The following ROBO2 variants were observed in gnomAD, a reference collection of about 807,000 sequenced individuals.
The protein encoded by ROBO2 is roundabout guidance receptor 2, also known as roundabout homolog 2.
In ROBO2, 53 loss-of-function variants were observed where a neutral mutation model predicts 160.8. The observed-to-expected ratio is 0.33, with a 90% CI of 0.26 to 0.41. The LOEUF is 0.41. Among genes scored for constraint, ROBO2 ranks in the 10% least tolerant of loss-of-function variants. The probability of loss-of-function intolerance (pLI) is 1.00; values close to 1 mark genes in which losing one functional copy is unlikely to be tolerated. For missense variants in ROBO2, 1,577 were observed against 1,722.4 expected, an observed-to-expected ratio of 0.92 and a Z score of 1.49; for synonymous variants, 664 against 611.7, an observed-to-expected ratio of 1.09 and a Z score of -1.26.
At chr3:76,628,624 T>C (rs1471504928) in intron 2 of ROBO2, among the ~76,000 whole-genome samples, 1 of 152,118 alleles carries the variant, frequency 6.6e-6, no homozygotes, top group Non-Finnish European at 1.5e-5. Context: ...AACTTTTTTT[T>C]CCTCACTGGT....
chr3:76,091,970 G>A (rs2069254698), intron 2 of ROBO2, among the ~76,000 whole-genome samples: 1 of 136,334 alleles, frequency 7.3e-6, no homozygotes, highest in Admixed American at 7.4e-5. Context: ...TTAGGACAGT[G>A]AAATTATTCT....
At chr3:76,556,981 C>T (rs1382448856) in intron 2 of ROBO2, among the ~76,000 whole-genome samples, 1 of 152,004 alleles carries the variant, frequency 6.6e-6, no homozygotes, top group African/African-American at 2.4e-5. Flanking sequence ...ATTTAGACTA[C>T]TTTTTGGACT....
intron 2 of ROBO2, among the ~76,000 whole-genome samples, chr3:77,474,496 C>T (rs886241516): frequency 9.2e-5 from 14 of 152,128 alleles, no homozygotes; most frequent in Non-Finnish European, 1.9e-4. Context: ...ACAACTGCTG[C>T]TACCCTGTCA....
intron 2 of ROBO2, among the ~76,000 whole-genome samples, chr3:76,315,919 A>G (rs1166412505): frequency 2.0e-5 from 3 of 152,208 alleles, no homozygotes; most frequent in Non-Finnish European, 4.4e-5. Context: ...GAGAAAGAAT[A>G]CAAAGAGAGG....
chr3:76,105,364 C>A (rs934430716), intron 2 of ROBO2, among the ~76,000 whole-genome samples: 3 of 152,052 alleles, frequency 2.0e-5, no homozygotes, highest in Non-Finnish European at 4.4e-5. Context: ...TTCTTGTATA[C>A]CTAATATCCA....
intron 1 of ROBO2, among the ~76,000 whole-genome samples, chr3:77,069,028 C>G (rs1411073508): frequency 6.6e-6 from 1 of 152,258 alleles, no homozygotes; most frequent in East Asian, 1.9e-4. Context: ...TGTTTAAGCA[C>G]AGTCTATGGC....
chr3:77,093,259 C>G (rs1293344955), intron 1 of ROBO2, among the ~76,000 whole-genome samples: 1 of 152,092 alleles, frequency 6.6e-6, no homozygotes, highest in East Asian at 1.9e-4. Flanking sequence ...TTGGATCATG[C>G]TTTTGTTGCT....
intron 1 of ROBO2, among the ~76,000 whole-genome samples, chr3:77,055,269 T>C (rs1369396363): frequency 1.3e-5 from 2 of 152,140 alleles, no homozygotes; most frequent in Non-Finnish European, 2.9e-5. Context: ...TTATAAGGGA[T>C]GGTCTTGATA....
intron 2 of ROBO2, among the ~76,000 whole-genome samples, chr3:77,410,645 T>TTCCTCCTTC (rs1560758144): frequency 9.0e-5 from 5 of 55,700 alleles, no homozygotes; most frequent in Non-Finnish European, 1.3e-4. Flanking sequence ...CCTGCTCCTC[T>TTCCTCCTTC]TTCTCCTCCT....
At chr3:76,314,112 G>T (rs748304209) in intron 2 of ROBO2, among the ~76,000 whole-genome samples, 2 of 152,128 alleles carry the variant, frequency 1.3e-5, no homozygotes, top group Non-Finnish European at 2.9e-5. Context: ...AGGCCAGCAA[G>T]TTTTCCCTCA....
At chr3:77,151,549 A>C (rs559359641) in intron 2 of ROBO2, among the ~76,000 whole-genome samples, 1 of 152,238 alleles carries the variant, frequency 6.6e-6, no homozygotes, top group South Asian at 2.1e-4. Flanking sequence ...GTGTAATTCT[A>C]TGTGGACAGA....
intron 2 of ROBO2, among the ~76,000 whole-genome samples, chr3:76,198,801 A>C (rs1287744299): frequency 1.6e-4 from 24 of 152,084 alleles, no homozygotes; most frequent in Non-Finnish European, 3.2e-4. Flanking sequence ...CCAATTGCCA[A>C]TTAGAAATTC....
At chr3:76,839,830 GC>G (rs1299103324) in intron 2 of ROBO2, among the ~76,000 whole-genome samples, 1 of 152,156 alleles carries the variant, frequency 6.6e-6, no homozygotes, top group Admixed American at 6.5e-5. Flanking sequence ...TTTCATTATG[GC>G]TTTGATCTCA....
chr3:77,539,641 C>G (rs543287910), intron 6 of ROBO2, among the ~76,000 whole-genome samples: 119 of 151,948 alleles, frequency 7.8e-4, no homozygotes, highest in African/African-American at 2.8e-3. Context: ...TGTACTATTC[C>G]GAGGCATTCA....
At chr3:77,607,307 T>G (rs1418416752) in intron 20 of ROBO2, among the ~76,000 whole-genome samples, 1 of 152,242 alleles carries the variant, frequency 6.6e-6, no homozygotes, top group African/African-American at 2.4e-5. Context: ...AGCTGATTGA[T>G]TTTTATCAGT....
Position 77,276,325 on chromosome 3 carries a change from T to C in ROBO2, c.388+177985T>C, listed in dbSNP as rs1045088719. 5.9e-5 allele frequency among the ~76,000 whole-genome samples: 9 copies of C among 152,326 alleles called. No homozygotes were observed. The South Asian group carries it at 6.2e-4, about 11-fold the overall frequency. ...GAGTCTTTTCAACAATTTTTCCTAA[T>C]TGCTATTCCCTTGAAATGTTACTAC... On this transcript the variant is annotated intron_variant, in intron 2 of 25. Transcript: ENST00000461745.
At chr3:77,386,294 T>C (rs1281623410) in intron 2 of ROBO2, among the ~76,000 whole-genome samples, 1 of 152,206 alleles carries the variant, frequency 6.6e-6, no homozygotes, top group East Asian at 1.9e-4. Context: ...CATCTATGAT[T>C]CCAATTTACA....
intron 2 of ROBO2, among the ~76,000 whole-genome samples, chr3:76,080,872 A>C (rs910975278): frequency 6.6e-6 from 1 of 152,132 alleles, no homozygotes; most frequent in African/African-American, 2.4e-5. Context: ...TCTTAAAACT[A>C]TTTTTAATCC....
intron 2 of ROBO2, among the ~76,000 whole-genome samples, chr3:76,856,953 T>C (rs2070167028): frequency 6.6e-6 from 1 of 152,206 alleles, no homozygotes; most frequent in Non-Finnish European, 1.5e-5. Context: ...TGGCATGTAT[T>C]ACATGCAAGG....
Sources: gnomAD v4.1 joint callset for allele counts (sites outside exome capture counted in the v4.1 genomes callset) on GRCh38, gnomAD v4.1.1 for gene constraint, MANE v1.5 for transcripts, NCBI Gene and HGNC (gene_info 2026-07-23, HGNC 2026-07-21) for gene names.